Variants in RCOR1 observed in about 807,000 individuals in gnomAD.
The protein encoded by RCOR1 is REST corepressor 1.
A neutral mutation model predicts 64.0 loss-of-function variants in RCOR1; 12 were observed. That is an observed-to-expected ratio of 0.19 (90% CI 0.12 to 0.30). The LOEUF (loss-of-function observed/expected upper bound fraction) is 0.30. Ranked by LOEUF, RCOR1 falls within the 10% of genes least tolerant of loss-of-function variation. The probability of loss-of-function intolerance (pLI) is 1.00; values close to 1 mark genes in which losing one functional copy is unlikely to be tolerated. For synonymous variants in RCOR1, 279 were observed against 227.2 expected (o/e 1.23, Z -2.05); for missense variants, 502 against 621.2 (o/e 0.81, Z 2.04).
At chr14:102,678,113 G>C in intron 2 of RCOR1, among the ~76,000 whole-genome samples, 1 of 151,804 alleles carries the variant, frequency 6.6e-6, no homozygotes, top group Non-Finnish European at 1.5e-5. Flanking sequence ...TGAGGCAGGA[G>C]AATCAGGCAG....
chr14:102,667,789 GC>G (rs148669649), intron 2 of RCOR1, among the ~76,000 whole-genome samples: 22,691 of 151,986 alleles, frequency 0.15, 2,291 homozygotes, highest in African/African-American at 0.28. Flanking sequence ...AAGATGACTT[GC>G]CAGCCATATT....
intron 2 of RCOR1, among the ~76,000 whole-genome samples, chr14:102,635,713 C>T (rs1313749574): frequency 6.6e-6 from 1 of 151,916 alleles, no homozygotes; most frequent in Non-Finnish European, 1.5e-5. Flanking sequence ...TGTTTTTCTG[C>T]ATGTAATCTC....
At chr14:102,598,453 T>TC (rs1893313003) in intron 2 of RCOR1, among the ~76,000 whole-genome samples, 1 of 150,488 alleles carries the variant, frequency 6.6e-6, no homozygotes, top group Non-Finnish European at 1.5e-5. Context: ...AGTTCTTTTT[T>TC]TTTTTTTTTT....
At chr14:102,621,274 G>A (rs1893865581) in intron 2 of RCOR1, among the ~76,000 whole-genome samples, 1 of 151,368 alleles carries the variant, frequency 6.6e-6, no homozygotes, top group Non-Finnish European at 1.5e-5. Flanking sequence ...ATCTAGACAC[G>A]AATTTCTGAT....
chr14:102,658,135 C>T (rs1756629266), intron 2 of RCOR1, among the ~76,000 whole-genome samples: 1 of 151,978 alleles, frequency 6.6e-6, no homozygotes, highest in African/African-American at 2.4e-5. Flanking sequence ...CCGCCACACC[C>T]AGCTAATTTT....
At chr14:102,722,460 C>T in intron 11 of RCOR1, 44 bp downstream of exon 11, 1 of 1,467,684 alleles carries the variant, frequency 6.8e-7, no homozygotes. Context: ...CAGGTTCACG[C>T]TTGATACTCC....
intron 2 of RCOR1, chr14:102,658,752 C>G (rs980020684): frequency 1.8e-6 from 1 of 551,648 alleles, no homozygotes; most frequent in African/African-American, 2.1e-5. Context: ...CATTTCTGTT[C>G]TAGAATCCAA....
intron 8 of RCOR1, among the ~76,000 whole-genome samples, chr14:102,719,721 AT>A (rs1566714032): frequency 6.6e-6 from 1 of 152,182 alleles, no homozygotes; most frequent in Non-Finnish European, 1.5e-5. Context: ...GATGTTTTGC[AT>A]TTACTCTCTC....
intron 2 of RCOR1, chr14:102,650,794 T>G (rs1446882871): frequency 6.4e-6 from 1 of 155,238 alleles, no homozygotes; most frequent in Non-Finnish European, 1.4e-5. Flanking sequence ...GGTCTCTTCC[T>G]TCTCATTGGT....
intron 2 of RCOR1, chr14:102,657,342 T>C: frequency 1.0e-6 from 1 of 985,352 alleles, no homozygotes; most frequent in South Asian, 4.7e-5. Flanking sequence ...CTGGTTCATT[T>C]AAACCCATGT....
chr14:102,687,697 G>A (rs991839194), intron 3 of RCOR1, among the ~76,000 whole-genome samples: 5 of 152,188 alleles, frequency 3.3e-5, no homozygotes, highest in Admixed American at 1.3e-4. Flanking sequence ...TCTGGAGGGT[G>A]GCAGACTGAG....
rs749146784 is a variant in RCOR1 at position 102,707,422 on chromosome 14, T to C, written c.570T>C (p.Pro190=). ...TGGCTGATTTGCCCAACTTTACCCC[T>C]TTCCCAGATGAGTGGACTGTGGAAG... ...KSLADLPNFT[P]FPDEWTVEDK... The change falls in exon 5 of 12, where the codon CCT becomes CCC. Residue 190 remains proline, a synonymous_variant. Coordinates refer to ENST00000262241, the MANE Select transcript of RCOR1 (RefSeq NM_015156.4). The C allele has an allele frequency of 1.1e-5, 18 of 1,613,536 alleles. No homozygotes were observed. Among genetic ancestry groups the C allele is most frequent in the South Asian group, 2.2e-5 (2 of 90,984 alleles).
In RCOR1 at chr14:102,728,215, A is replaced by G. The variant is rs77550311; in HGVS notation, c.*1709A>G. ...CTGGAGAGAAAGGTCATTCAAAAGG[A>G]AAGTACAATGGGACTTGCTGCCCTT... is the stretch of plus-strand genomic sequence containing the variant. On this transcript the variant is annotated 3_prime_UTR_variant, in exon 12 of 12. Coordinates refer to ENST00000262241, the MANE Select transcript of RCOR1 (RefSeq NM_015156.4). The G allele has an allele frequency of 0.02, 3,061 of 152,200 alleles. 47 individuals are homozygous for G. Among genetic ancestry groups the G allele is most frequent in the Middle Eastern group, 0.031 (9 of 294 alleles). The allele number at this position is 152,200 out of a possible 1,614,324, so 9.4% of individuals were successfully genotyped here.
At chr14:102,643,703 G>C (rs897371745) in intron 2 of RCOR1, among the ~76,000 whole-genome samples, 2 of 152,176 alleles carry the variant, frequency 1.3e-5, no homozygotes, top group Admixed American at 6.5e-5. Flanking sequence ...CCTAGCACAA[G>C]ACAAGTTTAC....
intron 7 of RCOR1, among the ~76,000 whole-genome samples, chr14:102,713,064 C>G (rs1469394225): frequency 6.9e-6 from 1 of 145,560 alleles, no homozygotes; most frequent in Non-Finnish European, 1.5e-5. Flanking sequence ...AAGCAGTTCT[C>G]TGCTTCAGCC....
chr14:102,689,942 A>G (rs1443204142), intron 3 of RCOR1, among the ~76,000 whole-genome samples: 1 of 152,064 alleles, frequency 6.6e-6, no homozygotes, highest in Non-Finnish European at 1.5e-5. Context: ...ACGGGGTTTC[A>G]CCATGTTGGC....
chr14:102,605,192 AGCC>A (rs1022074938), intron 2 of RCOR1, among the ~76,000 whole-genome samples: 1 of 152,006 alleles, frequency 6.6e-6, no homozygotes, highest in Non-Finnish European at 1.5e-5. Context: ...GGGTTGCCAG[AGCC>A]AACTTGTAGT....
rs372694883 is a variant in RCOR1, at chr14:102,637,717, T to C, written c.362-44178T>C. Among the ~76,000 whole-genome samples the C allele has an allele frequency of 2.6e-4, 39 of 152,338 alleles. No individual in the cohort carries two copies. In the East Asian group the frequency reaches 2.7e-3, roughly 11 times the overall value. On this transcript the variant is annotated intron_variant, in intron 2 of 11. Coordinates refer to ENST00000262241, the MANE Select transcript of RCOR1 (RefSeq NM_015156.4). ...TGCCTGCCTTGGCCTCTTCAAGTGC[T>C]GAGATTACAGGCTTGAGTCACCTCA...
At chr14:102,597,432 G>A (rs1385285290) in intron 2 of RCOR1, among the ~76,000 whole-genome samples, 2 of 149,910 alleles carry the variant, frequency 1.3e-5, no homozygotes, top group East Asian at 4.0e-4. Flanking sequence ...GGGTTCAAGC[G>A]ATCCTCCTGC....
Sources: allele counts gnomAD v4.1 joint callset (sites outside exome capture counted in the v4.1 genomes callset), GRCh38; gene constraint gnomAD v4.1.1; transcripts MANE v1.5; gene names NCBI Gene and HGNC (gene_info 2026-07-23, HGNC 2026-07-21).